OR2L3: variants seen among roughly 807,000 people sequenced by gnomAD.
The protein encoded by OR2L3 is olfactory receptor family 2 subfamily L member 3, also known as olfactory receptor 2L3.
For missense variants in OR2L3, 369 were observed against 376.6 expected, an observed-to-expected ratio of 0.98 and a Z score of 0.17; for synonymous variants, 131 against 139.1, an observed-to-expected ratio of 0.94 and a Z score of 0.41.
intron 1 of OR2L3, among the ~76,000 whole-genome samples, chr1:248,056,808 C>A (rs965365240): frequency 3.3e-5 from 5 of 151,806 alleles, no homozygotes; most frequent in African/African-American, 9.7e-5. Context: ...CCACCATACT[C>A]GGCTAAATTT....
At chr1:248,053,647 A>G (rs987805259) in intron 1 of OR2L3, among the ~76,000 whole-genome samples, 1 of 152,214 alleles carries the variant, frequency 6.6e-6, no homozygotes. Flanking sequence ...AATAATTGCC[A>G]TTCTGATCGG....
At chr1:248,054,361 T>A (rs1217715301) in intron 1 of OR2L3, among the ~76,000 whole-genome samples, 1 of 152,134 alleles carries the variant, frequency 6.6e-6, no homozygotes, top group South Asian at 2.1e-4. Flanking sequence ...TTACTGTAGC[T>A]TTGTAGTATA....
At chr1:248,058,845 T>C (rs1054548517) in intron 1 of OR2L3, among the ~76,000 whole-genome samples, 5 of 152,196 alleles carry the variant, frequency 3.3e-5, no homozygotes, top group South Asian at 2.1e-4. Context: ...TTTTTATCTT[T>C]CCTAAATTAC....
chr1:248,055,157 G>A (rs998205547), intron 1 of OR2L3, among the ~76,000 whole-genome samples: 10 of 152,070 alleles, frequency 6.6e-5, no homozygotes, highest in African/African-American at 9.7e-5. Flanking sequence ...AAGGGAAGTC[G>A]AATTTTTTTG....
chr1:248,053,989 T>C (rs544020710), intron 1 of OR2L3, among the ~76,000 whole-genome samples: 5 of 152,334 alleles, frequency 3.3e-5, no homozygotes, highest in African/African-American at 9.6e-5. Flanking sequence ...ATTTTTGCTA[T>C]TGTTGCAATT....
rs1396968307 is a variant in OR2L3, at chr1:248,062,256, A to G, written c.*636A>G. The G allele has an allele frequency of 1.3e-5, 2 of 152,270 alleles. No individual in the cohort carries two copies. The highest frequency in any genetic ancestry group is 6.5e-5 in the Admixed American group (1 of 15,274). The allele number at this position is 152,270 out of a possible 1,614,324, so 9.4% of individuals were successfully genotyped here. A position where few individuals can be genotyped will look rare whatever the true frequency, so the allele number is the denominator to read the frequency against. On this transcript the variant is annotated 3_prime_UTR_variant, in exon 2 of 2. Transcript: ENST00000359959. ...TGATTTAACATTAGGTATATTTTAG[A>G]TCAACAAAAGGACTGGAACATGCCA...
intron 1 of OR2L3, chr1:248,055,848 A>T (rs1191962738): frequency 6.6e-6 from 1 of 152,192 alleles, no homozygotes; most frequent in East Asian, 1.9e-4. Context: ...AGAAATGATA[A>T]CAGCTCCTCT....
chr1:248,052,875 C>G (rs567067637), intron 1 of OR2L3, among the ~76,000 whole-genome samples: 2 of 151,472 alleles, frequency 1.3e-5, no homozygotes, highest in Non-Finnish European at 2.9e-5. Context: ...AAAAATTTAT[C>G]ATTTTAATTT....
At chr1:248,051,873 G>T (rs145279065) in intron 1 of OR2L3, among the ~76,000 whole-genome samples, 1 of 152,008 alleles carries the variant, frequency 6.6e-6, no homozygotes, top group Non-Finnish European at 1.5e-5. Context: ...AATGCAGATG[G>T]TTCCAGGTTT....
intron 1 of OR2L3, among the ~76,000 whole-genome samples, chr1:248,054,382 G>A (rs184842557): frequency 7.2e-5 from 11 of 151,986 alleles, no homozygotes; most frequent in African/African-American, 1.4e-4. Context: ...GTTTGCAGTC[G>A]GGTAGCCTGA....
chr1:248,053,922 G>C (rs530487421), intron 1 of OR2L3, among the ~76,000 whole-genome samples: 2 of 152,056 alleles, frequency 1.3e-5, no homozygotes, highest in South Asian at 4.1e-4. Flanking sequence ...GTTCATTCTG[G>C]TGATAGTTTT....
At chr1:248,055,660 G>A (rs971643396) in intron 1 of OR2L3, among the ~76,000 whole-genome samples, 2 of 152,204 alleles carry the variant, frequency 1.3e-5, no homozygotes, top group African/African-American at 4.8e-5. Flanking sequence ...TGGAGGCTGA[G>A]GCATGTGAAT....
chr1:248,048,536 A>G (rs1362085631), intron 1 of OR2L3, among the ~76,000 whole-genome samples: 1 of 152,040 alleles, frequency 6.6e-6, no homozygotes, highest in Non-Finnish European at 1.5e-5. Context: ...GACATTCTAG[A>G]CAAGTGTTGT....
At chr1:248,051,592 G>A (rs894025689) in intron 1 of OR2L3, among the ~76,000 whole-genome samples, 3 of 152,114 alleles carry the variant, frequency 2.0e-5, no homozygotes, top group Non-Finnish European at 4.4e-5. Flanking sequence ...AAAGAGGAGA[G>A]TGAGGGAGGA....
At chr1:248,058,801 C>A (rs540343998) in intron 1 of OR2L3, among the ~76,000 whole-genome samples, 14 of 152,012 alleles carry the variant, frequency 9.2e-5, no homozygotes, top group Non-Finnish European at 1.6e-4. Context: ...AGTCCTTAAG[C>A]ACATATTGTT....
intron 1 of OR2L3, among the ~76,000 whole-genome samples, chr1:248,051,444 C>G (rs1663261740): frequency 6.6e-6 from 1 of 152,140 alleles, no homozygotes; most frequent in African/African-American, 2.4e-5. Context: ...AATAGTATTG[C>G]TATGAACATG....
chr1:248,049,723 G>A (rs1663194711), intron 1 of OR2L3, among the ~76,000 whole-genome samples: 1 of 152,052 alleles, frequency 6.6e-6, no homozygotes. Context: ...CTTATGTGGA[G>A]TTTTTGTTTT....
Position 248,061,300 on chromosome 1 carries a change from G to C in OR2L3, c.619G>C (p.Val207Leu), listed in dbSNP as rs750672081. The change falls in exon 2 of 2, where the codon GTG (valine) becomes CTG (leucine). Residue 207 changes from valine to leucine, a missense_variant. Coordinates refer to ENST00000359959, the MANE Select transcript of OR2L3 (RefSeq NM_001004687.2). ...TVFLSTTIFL[V>L]FPFIAISCSY... The stretch of plus-strand genomic sequence containing the variant: ...GTTTTTGAGCACCACCATCTTTCTC[G>C]TGTTTCCCTTCATTGCTATTTCATG... 6.2e-7 allele frequency: 1 copy of C among 1,612,534 alleles called. No homozygotes were observed.
intron 1 of OR2L3, among the ~76,000 whole-genome samples, chr1:248,054,693 C>A (rs994466204): frequency 6.6e-6 from 1 of 152,066 alleles, no homozygotes; most frequent in Non-Finnish European, 1.5e-5. Context: ...ATTTTATTAT[C>A]TTTGTGGCAA....
Sources: gnomAD v4.1 joint callset for allele counts (sites outside exome capture counted in the v4.1 genomes callset) on GRCh38, gnomAD v4.1.1 for gene constraint, MANE v1.5 for transcripts, NCBI Gene and HGNC (gene_info 2026-07-23, HGNC 2026-07-21) for gene names.